Variants in MIS18A observed in about 807,000 individuals in gnomAD.
MIS18A encodes protein Mis18-alpha.
In MIS18A, 14 loss-of-function variants were observed where a neutral mutation model predicts 25.0. The ratio of observed to expected loss-of-function variants is 0.56; its 90% CI spans 0.37 to 0.88. The LOEUF is 0.88. Among genes scored for constraint, MIS18A ranks in the 40% least tolerant of loss-of-function variants. The pLI, the probability that MIS18A is intolerant of heterozygous loss-of-function variation, is 0.00. For synonymous variants in MIS18A, 134 were observed against 118.6 expected, an observed-to-expected ratio of 1.13 and a Z score of -0.84; for missense variants, 292 against 290.8, an observed-to-expected ratio of 1.00 and a Z score of -0.03.
At chr21:32,247,244 T>C in the MIS18A span, among the ~76,000 whole-genome samples, 1 of 152,304 alleles carries the variant, frequency 6.6e-6, no homozygotes, top group Non-Finnish European at 1.5e-5. Context: ...AGTGGCATGA[T>C]CTGGACCAGG....
At chr21:32,267,085 G>T (rs1179359008), downstream of MIS18A, among the ~76,000 whole-genome samples, 1 of 152,190 alleles carries the variant, frequency 6.6e-6, no homozygotes, top group East Asian at 1.9e-4. Context: ...CACAACAGGG[G>T]AAGTCCCCTC....
chr21:32,188,166 C>G, the MIS18A span, among the ~76,000 whole-genome samples: 1 of 152,226 alleles, frequency 6.6e-6, no homozygotes, highest in Admixed American at 6.5e-5. Context: ...AAGTAAATGT[C>G]TGTTGTTTAA....
the MIS18A span, among the ~76,000 whole-genome samples, chr21:32,181,397 A>G: frequency 6.6e-6 from 1 of 152,208 alleles, no homozygotes; most frequent in Non-Finnish European, 1.5e-5. Flanking sequence ...AGATACAGAT[A>G]TAGACATTAA....
the MIS18A span, among the ~76,000 whole-genome samples, chr21:32,252,567 C>T: frequency 4.6e-5 from 7 of 152,182 alleles, no homozygotes; most frequent in Non-Finnish European, 7.3e-5. Flanking sequence ...ATTTATTCAT[C>T]TCTGCTTCTG....
At chr21:32,211,410 CTCTT>C in the MIS18A span, among the ~76,000 whole-genome samples, 1 of 152,248 alleles carries the variant, frequency 6.6e-6, no homozygotes, top group Non-Finnish European at 1.5e-5. Context: ...TCATGCCTCT[CTCTT>C]CTTTCTCTTT....
At chr21:32,155,472 A>G in the MIS18A span, among the ~76,000 whole-genome samples, 2 of 152,186 alleles carry the variant, frequency 1.3e-5, no homozygotes, top group African/African-American at 4.8e-5. Context: ...TCAGAATACC[A>G]TGATTTTGGT....
At chr21:32,211,927 C>A in the MIS18A span, among the ~76,000 whole-genome samples, 1 of 152,194 alleles carries the variant, frequency 6.6e-6, no homozygotes, top group East Asian at 1.9e-4. Flanking sequence ...CCTCTCAGGC[C>A]TCTCCCCAGG....
chr21:32,202,521 C>T, the MIS18A span, among the ~76,000 whole-genome samples: 4 of 152,116 alleles, frequency 2.6e-5, no homozygotes, highest in African/African-American at 9.7e-5. Context: ...TCTAAGTGTT[C>T]GAGGGTATCA....
chr21:32,247,901 C>G, the MIS18A span, among the ~76,000 whole-genome samples: 2 of 152,188 alleles, frequency 1.3e-5, no homozygotes, highest in African/African-American at 4.8e-5. Context: ...ACCCAGTCCC[C>G]ATCCTACTCA....
At chr21:32,240,542 G>T in the MIS18A span, among the ~76,000 whole-genome samples, 2 of 152,178 alleles carry the variant, frequency 1.3e-5, no homozygotes, top group African/African-American at 4.8e-5. Flanking sequence ...AACAAACTAA[G>T]ACCGTGACCC....
the MIS18A span, among the ~76,000 whole-genome samples, chr21:32,215,612 G>A: frequency 2.6e-5 from 4 of 152,264 alleles, no homozygotes; most frequent in East Asian, 5.8e-4. Flanking sequence ...AGGACAAGCA[G>A]AGGCAGGCTG....
At chr21:32,269,352 AC>A (rs1243984522) in intron 4 of MIS18A, among the ~76,000 whole-genome samples, 2 of 152,180 alleles carry the variant, frequency 1.3e-5, no homozygotes, top group African/African-American at 4.8e-5. Flanking sequence ...TACAATCATC[AC>A]CATCTCACCT....
At chr21:32,272,727 G>A (rs1472720364) in intron 2 of MIS18A, among the ~76,000 whole-genome samples, 1 of 152,166 alleles carries the variant, frequency 6.6e-6, no homozygotes, top group African/African-American at 2.4e-5. Flanking sequence ...ATCCTTTTAA[G>A]ACAAATTTAA....
the MIS18A span, among the ~76,000 whole-genome samples, chr21:32,187,165 C>T: frequency 1.3e-5 from 2 of 152,218 alleles, no homozygotes; most frequent in Middle Eastern, 3.2e-3. Context: ...AACCCGCCAA[C>T]GATGACACTC....
the MIS18A span, among the ~76,000 whole-genome samples, chr21:32,214,942 G>T: frequency 5.3e-5 from 8 of 152,330 alleles, no homozygotes; most frequent in South Asian, 1.4e-3. Context: ...GCTGGACAGG[G>T]TCTAGCTGCC....
At chr21:32,193,889 T>C in the MIS18A span, among the ~76,000 whole-genome samples, 2 of 152,222 alleles carry the variant, frequency 1.3e-5, no homozygotes. Flanking sequence ...ATTTGCAGTC[T>C]GCTCATTTTT....
chr21:32,274,469 G>C (rs928658633), intron 2 of MIS18A, among the ~76,000 whole-genome samples: 3 of 151,964 alleles, frequency 2.0e-5, no homozygotes, highest in Admixed American at 6.6e-5. Context: ...GCCTCCGAAA[G>C]TGCTGGGATT....
the MIS18A span, among the ~76,000 whole-genome samples, chr21:32,158,265 C>T: frequency 1.3e-5 from 2 of 152,008 alleles, no homozygotes; most frequent in South Asian, 4.1e-4. Context: ...TCATTCAAGG[C>T]CTTTTCAAAA....
chr21:32,204,518 A>C, the MIS18A span, among the ~76,000 whole-genome samples: 3 of 151,852 alleles, frequency 2.0e-5, no homozygotes, highest in African/African-American at 7.2e-5. Flanking sequence ...AAAAAAGAAA[A>C]AAAGGAAGCA....
Sources: allele counts gnomAD v4.1 joint callset (sites outside exome capture counted in the v4.1 genomes callset), GRCh38; gene constraint gnomAD v4.1.1; transcripts MANE v1.5; gene names NCBI Gene and HGNC (gene_info 2026-07-23, HGNC 2026-07-21).